GLI2: variants seen among roughly 807,000 people sequenced by gnomAD.
The protein encoded by GLI2 is transcription activator GLI2.
In GLI2, 22 loss-of-function variants were observed where a neutral mutation model predicts 78.9. That is an observed-to-expected ratio of 0.28 (90% CI 0.20 to 0.40). The LOEUF (loss-of-function observed/expected upper bound fraction) is 0.40, where lower values mean the gene tolerates loss of function less well. GLI2 is among the 10% of genes least tolerant of loss of function. GLI2 has a pLI of 1.00. For synonymous variants in GLI2, 974 were observed against 963.7 expected (o/e 1.01, Z -0.20); for missense variants, 2,097 against 2,213.2 (o/e 0.95, Z 1.05).
At chr2:120,743,723 G>A (rs1293805182) in intron 1 of GLI2, among the ~76,000 whole-genome samples, 1 of 152,224 alleles carries the variant, frequency 6.6e-6, no homozygotes, top group Non-Finnish European at 1.5e-5. Flanking sequence ...GGGTGACCCT[G>A]TGCAAGTTGC....
chr2:120,913,656 C>T (rs1048889407), intron 2 of GLI2, among the ~76,000 whole-genome samples: 11 of 152,178 alleles, frequency 7.2e-5, no homozygotes, highest in African/African-American at 2.7e-4. Flanking sequence ...GTGGCCCTTA[C>T]GGGACCTGCT....
At chr2:120,807,277 G>C (rs1198297812) in intron 2 of GLI2, among the ~76,000 whole-genome samples, 1 of 152,108 alleles carries the variant, frequency 6.6e-6, no homozygotes, top group Non-Finnish European at 1.5e-5. Context: ...TGGGTATCCT[G>C]TGCTGATCCG....
intron 2 of GLI2, among the ~76,000 whole-genome samples, chr2:120,897,835 C>T (rs1046385572): frequency 2.0e-5 from 3 of 152,140 alleles, no homozygotes; most frequent in South Asian, 2.1e-4. Context: ...AACATGGTCA[C>T]CTCTTTAGGG....
At chr2:120,864,252 C>G (rs1473282523) in intron 2 of GLI2, among the ~76,000 whole-genome samples, 2 of 152,216 alleles carry the variant, frequency 1.3e-5, no homozygotes, top group African/African-American at 4.8e-5. Flanking sequence ...GGGACAAGAG[C>G]ACACAGGCTG....
intron 2 of GLI2, among the ~76,000 whole-genome samples, chr2:120,817,328 G>A (rs963325915): frequency 1.3e-5 from 2 of 152,248 alleles, no homozygotes; most frequent in South Asian, 2.1e-4. Context: ...TCCCAGCCCC[G>A]CAGTCTGGCT....
rs569051513 is a variant in GLI2, at chr2:120,814,581, T to A, written c.148+17113T>A. The stretch of plus-strand genomic sequence containing the variant: ...ATGCCCTGTTGTGAACCAGGCCGCA[T>A]AGCGGGAGGTGAGCAGCAGGCAAGA... On this transcript the variant is annotated intron_variant, in intron 2 of 13. Transcript: ENST00000361492. Among the ~76,000 whole-genome samples, 8 of 152,284 alleles carry A rather than the reference T, an allele frequency of 5.3e-5. No individual in the cohort carries two copies. The East Asian group carries it at 1.5e-3, about 29-fold the overall frequency.
chr2:120,854,928 G>A (rs973335297), intron 2 of GLI2, among the ~76,000 whole-genome samples: 1 of 152,226 alleles, frequency 6.6e-6, no homozygotes, highest in Non-Finnish European at 1.5e-5. Context: ...GCCCAGGGCT[G>A]GGCACTCTGG....
At chr2:120,819,815 A>G (rs1685678569) in intron 2 of GLI2, among the ~76,000 whole-genome samples, 1 of 152,190 alleles carries the variant, frequency 6.6e-6, no homozygotes, top group Non-Finnish European at 1.5e-5. Context: ...GTGCAAGGAC[A>G]GCATCTTAGT....
chr2:120,879,838 G>A (rs569984455), intron 2 of GLI2, among the ~76,000 whole-genome samples: 15 of 152,206 alleles, frequency 9.9e-5, no homozygotes, highest in Non-Finnish European at 2.2e-4. Flanking sequence ...CGTCTGCCGC[G>A]GGAGGCGGGC....
intron 1 of GLI2, among the ~76,000 whole-genome samples, chr2:120,744,048 T>C (rs1312849761): frequency 1.3e-5 from 2 of 152,114 alleles, no homozygotes; most frequent in Non-Finnish European, 2.9e-5. Flanking sequence ...CTTGGGGACA[T>C]TGGTAGAGAG....
chr2:120,823,229 C>A (rs910239615), intron 2 of GLI2, among the ~76,000 whole-genome samples: 1 of 152,214 alleles, frequency 6.6e-6, no homozygotes, highest in African/African-American at 2.4e-5. Context: ...ACCTGAATTG[C>A]TTTTTAATTT....
rs1682199906 is a variant in GLI2, at chr2:120,971,967, C to G, written c.1086C>G (p.Val362=). The change falls in exon 8 of 14, where the codon GTC becomes GTG. Residue 362 remains valine (V), a synonymous_variant. Coordinates refer to ENST00000361492, the MANE Select transcript of GLI2 (RefSeq NM_001374353.1). The part of the protein sequence containing the change: ...NQNKQSSESA[V]SSTVNPVAIH... ...ACAAGCAGAGCAGTGAGTCGGCCGTCAGCAGCACCGTCAACCCTGTCGCCA... is the reference window on the plus strand; with the variant it reads ...ACAAGCAGAGCAGTGAGTCGGCCGTGAGCAGCACCGTCAACCCTGTCGCCA... 1 of 1,613,724 alleles carries G rather than the reference C, an allele frequency of 6.2e-7. No individual in the cohort carries two copies. The highest frequency in any genetic ancestry group is 1.1e-5 in the South Asian group (1 of 91,078).
chr2:120,982,677 C>G (rs761271167), intron 10 of GLI2, 39 bp from the exon 11 acceptor site: 1 of 1,582,876 alleles, frequency 6.3e-7, no homozygotes, highest in Admixed American at 1.7e-5. Context: ...AGGTTGGGCC[C>G]CCTGGGGTGC....
At chr2:120,835,513 G>A (rs1686568642) in intron 2 of GLI2, among the ~76,000 whole-genome samples, 1 of 151,728 alleles carries the variant, frequency 6.6e-6, no homozygotes, top group Non-Finnish European at 1.5e-5. Context: ...AGCCTCCTGA[G>A]TAGCTAGGAT....
At chr2:120,741,723 G>A (rs1379539431) in intron 1 of GLI2, among the ~76,000 whole-genome samples, 1 of 152,010 alleles carries the variant, frequency 6.6e-6, no homozygotes, top group Non-Finnish European at 1.5e-5. Context: ...CGACCGTGCC[G>A]CGGCCGGGGG....
At chr2:120,858,757 TG>T (rs1687772751) in intron 2 of GLI2, among the ~76,000 whole-genome samples, 1 of 152,166 alleles carries the variant, frequency 6.6e-6, no homozygotes. Flanking sequence ...GGCTGGGCTC[TG>T]GGGAGGGCCT....
At chr2:120,855,504 G>T (rs889891789) in intron 2 of GLI2, among the ~76,000 whole-genome samples, 1 of 152,220 alleles carries the variant, frequency 6.6e-6, no homozygotes. Flanking sequence ...ATGGGTGAAG[G>T]TGCAGTGAAG....
intron 3 of GLI2, among the ~76,000 whole-genome samples, chr2:120,930,971 C>T (rs1033561924): frequency 3.3e-5 from 5 of 152,236 alleles, no homozygotes; most frequent in Admixed American, 3.3e-4. Flanking sequence ...TGGCATGCAG[C>T]AGGGAGGAGT....
At chr2:120,762,951 A>G (rs988995131) in intron 1 of GLI2, among the ~76,000 whole-genome samples, 1 of 152,164 alleles carries the variant, frequency 6.6e-6, no homozygotes, top group East Asian at 1.9e-4. Flanking sequence ...ACTCGAGAGG[A>G]CTTTGAGGCC....
Sources: allele counts gnomAD v4.1 joint callset (sites outside exome capture counted in the v4.1 genomes callset), GRCh38; gene constraint gnomAD v4.1.1; transcripts MANE v1.5; gene names NCBI Gene and HGNC (gene_info 2026-07-23, HGNC 2026-07-21).